The following ZFP90 variants were observed in gnomAD, a reference collection of about 807,000 sequenced individuals.
The protein encoded by ZFP90 is zinc finger protein 90 homolog.
ZFP90 carries 38 observed loss-of-function variants against 60.8 expected under a neutral mutation model. The observed-to-expected ratio is 0.62, with a 90% CI of 0.48 to 0.82. The LOEUF is 0.82. Among genes scored for constraint, ZFP90 ranks in the 40% least tolerant of loss-of-function variants. ZFP90 has a pLI of 0.00. For synonymous variants in ZFP90, 287 were observed against 264.8 expected, an observed-to-expected ratio of 1.08 and a Z score of -0.82; for missense variants, 711 against 759.1, an observed-to-expected ratio of 0.94 and a Z score of 0.74.
At chr16:68,536,843 A>G (rs907538610), upstream of ZFP90, among the ~76,000 whole-genome samples, 2 of 152,158 alleles carry the variant, frequency 1.3e-5, no homozygotes, top group African/African-American at 4.8e-5. Flanking sequence ...ATTCTCTCAT[A>G]GTAATAAGTG....
rs897102367 is a variant in ZFP90 at position 68,558,694 on chromosome 16, C to T, written c.256+126C>T. ...CTGCATAGGAGGCTGAAGCCATCGC[C>T]TGGCCGACACCTTGTAGGTCTCTCT... On this transcript the variant is annotated intron_variant, in intron 4 of 4. Coordinates refer to ENST00000563169, the MANE Select transcript of ZFP90 (RefSeq NM_001305203.2). 11 of 745,714 alleles carry T rather than the reference C, an allele frequency of 1.5e-5. No homozygotes were observed. The East Asian group carries it at 2.4e-4, about 16-fold the overall frequency. The allele number at this position is 745,714 out of a possible 1,614,324, so 46.2% of individuals were successfully genotyped here. A position where few individuals can be genotyped will look rare whatever the true frequency, so the allele number is the denominator to read the frequency against.
At chr16:68,548,451 A>G (rs1254837941) in intron 2 of ZFP90, among the ~76,000 whole-genome samples, 1 of 51,342 alleles carries the variant, frequency 1.9e-5, no homozygotes, top group African/African-American at 7.5e-5. Context: ...TAGTGTGTAT[A>G]TTTCACTGTT....
chr16:68,562,264 A>C (rs550780540), intron 4 of ZFP90: 1 of 152,426 alleles, frequency 6.6e-6, no homozygotes, highest in Non-Finnish European at 1.5e-5. Flanking sequence ...ATTGACATAG[A>C]ACATTTCCAT....
At chr16:68,539,574 G>C (rs199626688) in intron 1 of ZFP90, 95 bp downstream of exon 1, 1 of 545,406 alleles carries the variant, frequency 1.8e-6, no homozygotes, top group African/African-American at 2.0e-5. Context: ...TGGCCGGAGG[G>C]GGGTGTCCGG....
At chr16:68,561,806 G>T (rs980831313) in intron 4 of ZFP90, among the ~76,000 whole-genome samples, 1 of 152,054 alleles carries the variant, frequency 6.6e-6, no homozygotes, top group Non-Finnish European at 1.5e-5. Context: ...CTGTCCTCAG[G>T]AGTTGAGTTG....
chr16:68,543,526 T>C (rs937571017), intron 2 of ZFP90, among the ~76,000 whole-genome samples: 7 of 151,814 alleles, frequency 4.6e-5, no homozygotes, highest in African/African-American at 1.7e-4. Context: ...TTAGTAGCAA[T>C]GTCTATGTAA....
At chr16:68,555,338 T>C (rs957342281) in intron 2 of ZFP90, 1 of 152,134 alleles carries the variant, frequency 6.6e-6, no homozygotes, top group Non-Finnish European at 1.5e-5. Context: ...CTAACCTTGA[T>C]CAGAAAAATG....
intron 2 of ZFP90, among the ~76,000 whole-genome samples, chr16:68,540,282 A>G (rs1364880877): frequency 6.6e-6 from 1 of 152,156 alleles, no homozygotes; most frequent in Non-Finnish European, 1.5e-5. Context: ...ATGTCTAGGA[A>G]GAGGCTGGAG....
rs148073783 is a variant in ZFP90 at position 68,574,799 on chromosome 16, C to T, written c.224-992C>T. ...AATTAGCTGGCATGGTGGCTCACAC[C>T]TGTAGTCCCAGCTACTTGGCAGACT... On this transcript the variant is annotated intron_variant, in intron 2 of 2. Transcript: ENST00000573113. Among the ~76,000 whole-genome samples, 5 of 152,084 alleles carry T rather than the reference C, an allele frequency of 3.3e-5. No homozygotes were observed. The East Asian group carries it at 5.8e-4, about 18-fold the overall frequency.
intron 2 of ZFP90, chr16:68,557,382 T>C (rs2091362600): frequency 4.8e-6 from 2 of 415,884 alleles, no homozygotes; most frequent in African/African-American, 4.1e-5. Context: ...GATACAGGTG[T>C]ACTGTGGAGT....
chr16:68,536,961 C>CCTCTG (rs1353355873), upstream of ZFP90, among the ~76,000 whole-genome samples: 1 of 152,170 alleles, frequency 6.6e-6, no homozygotes, highest in Non-Finnish European at 1.5e-5. Context: ...ACCTGCCCTA[C>CCTCTG]CTCTGCTCTG....
intron 2 of ZFP90, among the ~76,000 whole-genome samples, chr16:68,552,279 A>G (rs2091276198): frequency 6.6e-6 from 1 of 152,134 alleles, no homozygotes; most frequent in South Asian, 2.1e-4. Context: ...TCTGTTATGT[A>G]CCAAACTGGT....
intron 4 of ZFP90, among the ~76,000 whole-genome samples, chr16:68,561,540 TA>T (rs746225628): frequency 1.4e-4 from 22 of 152,356 alleles, no homozygotes; most frequent in Non-Finnish European, 2.9e-4. Flanking sequence ...AACTCAGATT[TA>T]ATAATATGCC....
At chr16:68,569,676 G>A (rs144255090), downstream of ZFP90, among the ~76,000 whole-genome samples, 9 of 152,120 alleles carry the variant, frequency 5.9e-5, no homozygotes, top group Admixed American at 2.6e-4. Flanking sequence ...CTGGGTGGGC[G>A]AATTTCTTGA....
chr16:68,544,199 A>G (rs2091104306), intron 2 of ZFP90, among the ~76,000 whole-genome samples: 1 of 152,198 alleles, frequency 6.6e-6, no homozygotes, highest in Non-Finnish European at 1.5e-5. Context: ...TTAGGAAACA[A>G]AAAAGGCATT....
chr16:68,572,173 C>G (rs1189439241), intron 2 of ZFP90, among the ~76,000 whole-genome samples: 3 of 89,124 alleles, frequency 3.4e-5, no homozygotes, highest in Admixed American at 2.3e-4. Flanking sequence ...GACCAGCTGA[C>G]AAACACTTTT....
intron 2 of ZFP90, among the ~76,000 whole-genome samples, chr16:68,574,531 G>C (rs1299513914): frequency 1.3e-5 from 2 of 152,120 alleles, no homozygotes; most frequent in African/African-American, 4.8e-5. Context: ...AAGAGCTAAG[G>C]AGAGTAAAGA....
intron 2 of ZFP90, among the ~76,000 whole-genome samples, chr16:68,549,772 A>G (rs947706621): frequency 1.4e-5 from 2 of 146,324 alleles, no homozygotes; most frequent in African/African-American, 2.5e-5. Flanking sequence ...CTGAAGGGGG[A>G]TGGGGAGCAC....
intron 2 of ZFP90, among the ~76,000 whole-genome samples, chr16:68,572,542 C>T (rs1256843984): frequency 6.6e-6 from 1 of 152,124 alleles, no homozygotes; most frequent in Non-Finnish European, 1.5e-5. Flanking sequence ...AGTCACAGAG[C>T]CACTTGATCC....
Sources: allele counts gnomAD v4.1 joint callset (sites outside exome capture counted in the v4.1 genomes callset), GRCh38; gene constraint gnomAD v4.1.1; transcripts MANE v1.5; gene names NCBI Gene and HGNC (gene_info 2026-07-23, HGNC 2026-07-21).